The following OPHN1 variants were observed in gnomAD, a reference collection of about 807,000 sequenced individuals.
OPHN1 encodes the protein oligophrenin 1, also known as oligophrenin-1.
OPHN1 carries 11 observed loss-of-function variants against 60.7 expected under a neutral mutation model. That is an observed-to-expected ratio of 0.18 (90% CI 0.11 to 0.30). The LOEUF (loss-of-function observed/expected upper bound fraction) is 0.30. Ranked by LOEUF, OPHN1 falls within the 10% of genes least tolerant of loss-of-function variation. The pLI is 1.00. For synonymous variants in OPHN1, 226 were observed against 222.6 expected, an observed-to-expected ratio of 1.02 and a Z score of -0.14; for missense variants, 449 against 611.0, an observed-to-expected ratio of 0.73 and a Z score of 2.80.
intron 5 of OPHN1, among the ~76,000 whole-genome samples, chrX:68,255,928 G>C (rs1602274091): frequency 9.0e-6 from 1 of 111,316 alleles, no homozygotes; most frequent in South Asian, 3.8e-4. Context: ...TGGCTGTGTT[G>C]TCTGGGGTTT....
At chrX:68,310,420 C>T (rs1025929497) in intron 2 of OPHN1, among the ~76,000 whole-genome samples, 1 of 107,206 alleles carries the variant, frequency 9.3e-6, no homozygotes. Flanking sequence ...CAGCACCACG[C>T]AAGCTCTAAG....
At chrX:68,378,295 A>G (rs2078572458) in intron 2 of OPHN1, among the ~76,000 whole-genome samples, 1 of 111,175 alleles carries the variant, frequency 9.0e-6, no homozygotes, top group African/African-American at 3.3e-5. Context: ...TTTTTCTTGT[A>G]AATTTGTTTG....
intron 15 of OPHN1, among the ~76,000 whole-genome samples, chrX:68,187,614 TTTTG>T (rs752466115): frequency 9.4e-4 from 104 of 110,970 alleles, no homozygotes; most frequent in African/African-American, 2.7e-3. Context: ...CGTATTGGTT[TTTTG>T]TTTGTTTGTT....
At chrX:68,212,749 A>G (rs1162446690) in intron 7 of OPHN1, among the ~76,000 whole-genome samples, 2 of 112,138 alleles carry the variant, frequency 1.8e-5, no homozygotes, top group Admixed American at 9.5e-5. Flanking sequence ...ACTATTAACA[A>G]ATTTATTAAC....
rs2061696822 is a variant in OPHN1 at position 68,043,624 on chromosome X, C to T, written c.*3548G>A. On this transcript the variant is annotated 3_prime_UTR_variant, in exon 25 of 25. Coordinates refer to ENST00000355520, the MANE Select transcript of OPHN1 (RefSeq NM_002547.3). ...AACTTCTTGAAAAGAGAATACTTTC[C>T]CATGATAACCAATTACTTTAGAAAT... The T allele has an allele frequency of 9.0e-6, 1 of 111,390 alleles. No individual in the cohort carries two copies. The highest frequency in any genetic ancestry group is 1.9e-5 in the Non-Finnish European group (1 of 53,083). 9.2% of individuals were successfully genotyped at this position (111,390 alleles called of 1,213,427 possible). A position where few individuals can be genotyped will look rare whatever the true frequency, so the allele number is the denominator to read the frequency against.
chrX:68,217,138 T>A (rs2077614861), intron 6 of OPHN1, among the ~76,000 whole-genome samples: 1 of 111,788 alleles, frequency 8.9e-6, no homozygotes, highest in Admixed American at 9.4e-5. Context: ...GTCAGCGAGT[T>A]CCCTTTCTGA....
intron 15 of OPHN1, among the ~76,000 whole-genome samples, chrX:68,131,581 T>C (rs947885012): frequency 8.9e-6 from 1 of 112,025 alleles, no homozygotes; most frequent in Non-Finnish European, 1.9e-5. Context: ...TGAATATCTG[T>C]GCATAAAGTA....
At chrX:68,317,214 T>G (rs968160243) in intron 2 of OPHN1, among the ~76,000 whole-genome samples, 7 of 105,153 alleles carry the variant, frequency 6.7e-5, no homozygotes, top group African/African-American at 2.4e-4. Context: ...ATGGGAGGAC[T>G]GCCTGAGCCC....
intron 3 of OPHN1, among the ~76,000 whole-genome samples, chrX:68,295,738 A>AGG (rs2078091711): frequency 8.9e-6 from 1 of 112,060 alleles, no homozygotes; most frequent in African/African-American, 3.2e-5. Flanking sequence ...GCTGATCGTC[A>AGG]GGGGGAGGAA....
chrX:68,266,784 T>C (rs969100075), intron 5 of OPHN1, among the ~76,000 whole-genome samples: 2 of 110,758 alleles, frequency 1.8e-5, no homozygotes, highest in African/African-American at 6.6e-5. Flanking sequence ...AGGAGACCCA[T>C]CTCTCGTGCA....
At chrX:68,345,814 C>A (rs1049027994) in intron 2 of OPHN1, among the ~76,000 whole-genome samples, 1 of 112,720 alleles carries the variant, frequency 8.9e-6, no homozygotes, top group Non-Finnish European at 1.9e-5. Context: ...AGTATTTCTA[C>A]AAGAATGTTA....
chrX:68,391,176 G>A (rs1270770706), intron 2 of OPHN1, among the ~76,000 whole-genome samples: 2 of 111,515 alleles, frequency 1.8e-5, no homozygotes, highest in East Asian at 5.6e-4. Flanking sequence ...AGGGTAACGT[G>A]TTCACAGATT....
At chrX:68,289,883 C>G (rs1309768950) in intron 3 of OPHN1, among the ~76,000 whole-genome samples, 4 of 111,877 alleles carry the variant, frequency 3.6e-5, no homozygotes, top group Non-Finnish European at 7.5e-5. Context: ...GGAAATTACA[C>G]AAAATTTTCT....
At chrX:68,123,358 C>T (rs963531375) in intron 15 of OPHN1, among the ~76,000 whole-genome samples, 6 of 111,802 alleles carry the variant, frequency 5.4e-5, no homozygotes, top group African/African-American at 1.9e-4. Context: ...AAGAGAAGAA[C>T]AGTAATGAGC....
rs933596337 is a variant in OPHN1 at position 68,045,701 on chromosome X, T to C, written c.*1471A>G. 1.1e-4 allele frequency: 12 copies of C among 112,096 alleles called. No individual in the cohort carries two copies. Among genetic ancestry groups the C allele is most frequent in the African/African-American group, 3.2e-5 (1 of 30,816 alleles). 9.2% of individuals were successfully genotyped at this position (112,096 alleles called of 1,213,427 possible). On this transcript the variant is annotated 3_prime_UTR_variant, in exon 25 of 25. Transcript: ENST00000355520. ...TCAGATTTCTGCCCCATTACACCAA[T>C]TTTTAGGTCCTTTCCAATAATAGAG...
intron 2 of OPHN1, among the ~76,000 whole-genome samples, chrX:68,334,525 T>C (rs2078312460): frequency 8.9e-6 from 1 of 112,052 alleles, no homozygotes; most frequent in Admixed American, 9.6e-5. Context: ...ACTTACATTT[T>C]GATATCGATG....
At chrX:68,201,214 C>CG (rs1354729598) in intron 11 of OPHN1, among the ~76,000 whole-genome samples, 2 of 112,113 alleles carry the variant, frequency 1.8e-5, no homozygotes, top group Non-Finnish European at 3.8e-5. Flanking sequence ...TCCACCCCAT[C>CG]TTCCCTCCCT....
chrX:68,234,473 C>CT lies in OPHN1; in HGVS notation c.486+13dup, dbSNP rs768220187. The stretch of plus-strand genomic sequence containing the variant: ...GCTAGCAATGGAAGGCAGGGGCAGG[C>CT]TTTGTGAACATACCTCTTGTAACTG... On this transcript the variant is annotated intron_variant, in intron 6 of 24. Coordinates refer to ENST00000355520, the MANE Select transcript of OPHN1 (RefSeq NM_002547.3). 10 of 1,155,314 alleles carry CT rather than the reference C, an allele frequency of 8.7e-6. No individual in the cohort carries two copies. The Admixed American group carries it at 2.0e-4, about 23-fold the overall frequency.
intron 2 of OPHN1, among the ~76,000 whole-genome samples, chrX:68,397,591 C>T (rs1353189371): frequency 1.0e-5 from 1 of 98,928 alleles, no homozygotes; most frequent in Non-Finnish European, 2.0e-5. Flanking sequence ...GGCACAATCT[C>T]GGCTCACTGC....
Sources: gnomAD v4.1 joint callset for allele counts (sites outside exome capture counted in the v4.1 genomes callset) on GRCh38, gnomAD v4.1.1 for gene constraint, MANE v1.5 for transcripts, NCBI Gene and HGNC (gene_info 2026-07-23, HGNC 2026-07-21) for gene names.